Variants in ASB13 observed in about 807,000 individuals in gnomAD.
The protein encoded by ASB13 is ankyrin repeat and SOCS box protein 13.
In ASB13, 33 loss-of-function variants were observed where a neutral mutation model predicts 28.8. That is an observed-to-expected ratio of 1.15 (90% CI 0.87 to 1.53). The LOEUF is 1.53. ASB13 is among the 40% of genes most tolerant of loss of function. The pLI, the probability that ASB13 is intolerant of heterozygous loss-of-function variation, is 0.00. For synonymous variants in ASB13, 182 were observed against 172.9 expected, an observed-to-expected ratio of 1.05 and a Z score of -0.41; for missense variants, 414 against 390.1, an observed-to-expected ratio of 1.06 and a Z score of -0.52.
Position 5,642,051 on chromosome 10 carries a change from G to C in ASB13, c.518-90C>G. 7.7e-7 allele frequency: 1 copy of C among 1,298,426 alleles called. No individual in the cohort carries two copies. The highest frequency in any genetic ancestry group is 1.4e-5 in the South Asian group (1 of 71,158). 80.4% of individuals were successfully genotyped at this position (1,298,426 alleles called of 1,614,324 possible). On this transcript the variant is annotated intron_variant, in intron 4 of 5. Coordinates refer to ENST00000357700, the MANE Select transcript of ASB13 (RefSeq NM_024701.4). The surrounding 1 kb of genome is among the most constrained non-coding windows in gnomAD (Gnocchi z 4.1). Reference sequence around the variant, plus strand: ...GGTCCGTTTCGTCACACAGCACGGTGGCAGAAGCAATCCCCACCCAGAAGA... The same window carrying C: ...GGTCCGTTTCGTCACACAGCACGGTCGCAGAAGCAATCCCCACCCAGAAGA...
rs1835084036 is a variant in ASB13, at chr10:5,656,871, T to C, written c.44-3821A>G. ...CAACAGCCTCTTTTTCCCACTGCCC[T>C]TAACATAATTAAGAACCCGAAACCT... is the stretch of plus-strand genomic sequence containing the variant. On this transcript the variant is annotated intron_variant, in intron 1 of 5. Transcript: ENST00000357700. The surrounding 1 kb of genome is among the most constrained non-coding windows in gnomAD (Gnocchi z 4.3). Among the ~76,000 whole-genome samples, 1 of 152,172 alleles carries C rather than the reference T, an allele frequency of 6.6e-6. No homozygotes were observed. Among genetic ancestry groups the C allele is most frequent in the Non-Finnish European group, 1.5e-5 (1 of 68,028 alleles).
chr10:5,652,089 C>T lies in ASB13; in HGVS notation c.232-726G>A, dbSNP rs1327300103. Among the ~76,000 whole-genome samples, 3 of 145,670 alleles carry T rather than the reference C, an allele frequency of 2.1e-5. No individual in the cohort carries two copies. The highest frequency in any genetic ancestry group is 3.0e-5 in the Non-Finnish European group (2 of 67,284). On this transcript the variant is annotated intron_variant, in intron 2 of 5. Coordinates refer to ENST00000357700, the MANE Select transcript of ASB13 (RefSeq NM_024701.4). This position sits in a 1 kb window ranked among gnomAD's most constrained non-coding sequence, Gnocchi z 5.0. ...AACTCTAACCTCAATGGAAGGAATG[C>T]CTGAGACAGCTTACCACGCCTCCCC...
In ASB13 at chr10:5,641,731, G is replaced by A. The variant is rs1412017864; in HGVS notation, c.709+39C>T. On this transcript the variant is annotated intron_variant, in intron 5 of 5. Transcript: ENST00000357700. The surrounding 1 kb of genome is among the most constrained non-coding windows in gnomAD (Gnocchi z 8.4). ...CGGCACGTCAGGGGTCCAGGCTGAA[G>A]GCTGGAGGGGATGGGGTGCGCTCGG... 6.5e-7 allele frequency: 1 copy of A among 1,534,596 alleles called. No homozygotes were observed. Among genetic ancestry groups the A allele is most frequent in the Non-Finnish European group, 8.8e-7 (1 of 1,134,150 alleles).
chr10:5,660,158 C>T lies in ASB13; in HGVS notation c.43+6351G>A, dbSNP rs551077869. On this transcript the variant is annotated intron_variant, in intron 1 of 5. Transcript: ENST00000357700. This position sits in a 1 kb window ranked among gnomAD's most constrained non-coding sequence, Gnocchi z 6.1. ...GAGCTCATGAATAGCCAAGCAAAAG[C>T]CTTTGCCCTGAAAACTAGAGTTTCA... 1.3e-4 allele frequency among the ~76,000 whole-genome samples: 20 copies of T among 152,328 alleles called. No individual in the cohort carries two copies. Among genetic ancestry groups the T allele is most frequent in the Admixed American group, 1.2e-3 (19 of 15,308 alleles).
At position 5,639,505 on chromosome 10, in the gene ASB13, T is replaced by G. The variant is rs931345933; in HGVS notation, c.*1198A>C. 6.6e-6 allele frequency: 1 copy of G among 152,220 alleles called. No homozygotes were observed. The highest frequency in any genetic ancestry group is 1.5e-5 in the Non-Finnish European group (1 of 68,064). 9.4% of individuals were successfully genotyped at this position (152,220 alleles called of 1,614,324 possible). ...AAAGTCCTCCAGTTTAACTCCCTGTTGTGGGCGGGGTTCTTAAAATTTATG... is the reference window on the plus strand; with the variant it reads ...AAAGTCCTCCAGTTTAACTCCCTGTGGTGGGCGGGGTTCTTAAAATTTATG... On this transcript the variant is annotated 3_prime_UTR_variant, in exon 6 of 6. Transcript: ENST00000357700.
At chr10:5,653,506 C>T (rs1388101713) in intron 1 of ASB13, among the ~76,000 whole-genome samples, 1 of 152,236 alleles carries the variant, frequency 6.6e-6, no homozygotes, top group Non-Finnish European at 1.5e-5. Flanking sequence ...CGCTCAGACC[C>T]CTGCATTTAC....
In ASB13 at chr10:5,652,072, C is replaced by T. The variant is rs1368783460; in HGVS notation, c.232-709G>A. ...CACACACACACACACAAAACTCTAA[C>T]CTCAATGGAAGGAATGCCTGAGACA... On this transcript the variant is annotated intron_variant, in intron 2 of 5. Transcript: ENST00000357700. The surrounding 1 kb of genome is among the most constrained non-coding windows in gnomAD (Gnocchi z 5.0). Among the ~76,000 whole-genome samples the T allele has an allele frequency of 7.6e-6, 1 of 130,950 alleles. No homozygotes were observed. Among genetic ancestry groups the T allele is most frequent in the African/African-American group, 3.1e-5 (1 of 32,470 alleles). The allele number at this position is 130,950 out of a possible 152,430, so 85.9% of individuals were successfully genotyped here.
In ASB13 at chr10:5,641,521, G is replaced by C. The variant is rs1834806911; in HGVS notation, c.709+249C>G. 6.6e-6 allele frequency among the ~76,000 whole-genome samples: 1 copy of C among 152,222 alleles called. No individual in the cohort carries two copies. Among genetic ancestry groups the C allele is most frequent in the African/African-American group, 2.4e-5 (1 of 41,456 alleles). On this transcript the variant is annotated intron_variant, in intron 5 of 5. Coordinates refer to ENST00000357700, the MANE Select transcript of ASB13 (RefSeq NM_024701.4). This position sits in a 1 kb window ranked among gnomAD's most constrained non-coding sequence, Gnocchi z 8.4. ...TCAAATGTCCAGCACAGGAGGCACA[G>C]GTCTGGTGCCCGGGCAGGTGTCGGC...
rs1192509842 is a variant in ASB13, at chr10:5,642,172, T to G, written c.518-211A>C. 6.6e-6 allele frequency among the ~76,000 whole-genome samples: 1 copy of G among 151,936 alleles called. No individual in the cohort carries two copies. The highest frequency in any genetic ancestry group is 2.4e-5 in the African/African-American group (1 of 41,342). On this transcript the variant is annotated intron_variant, in intron 4 of 5. Transcript: ENST00000357700. This position sits in a 1 kb window ranked among gnomAD's most constrained non-coding sequence, Gnocchi z 4.1. ...TGTCCCCACTCATGAGAGATAAAGG[T>G]AGGCAGCAATAATAAAGAAATAACT...
intron 1 of ASB13, among the ~76,000 whole-genome samples, chr10:5,654,905 T>A (rs1167519996): frequency 6.6e-6 from 1 of 152,148 alleles, no homozygotes; most frequent in Non-Finnish European, 1.5e-5. Flanking sequence ...GAAACCAGCC[T>A]GGCCAACATG....
At chr10:5,666,141 G>T (rs1456305459) in intron 1 of ASB13, among the ~76,000 whole-genome samples, 1 of 152,194 alleles carries the variant, frequency 6.6e-6, no homozygotes, top group African/African-American at 2.4e-5. Context: ...CCGAGAGGGA[G>T]CACCGTGGGC....
chr10:5,652,856 C>G lies in ASB13; in HGVS notation c.231+7G>C, dbSNP rs770189232. ...AGTCTGGGGGTCTGCCCTGAAGGGC[C>G]ACTCACCTGGGCCCCAGCCGCCAGC... is the stretch of plus-strand genomic sequence containing the variant. On this transcript the variant is annotated splice_region_variant and intron_variant, in intron 2 of 5. Coordinates refer to ENST00000357700, the MANE Select transcript of ASB13 (RefSeq NM_024701.4). The surrounding 1 kb of genome is among the most constrained non-coding windows in gnomAD (Gnocchi z 5.0). 1.5e-5 allele frequency: 23 copies of G among 1,530,796 alleles called. No homozygotes were observed. In the South Asian group the frequency reaches 2.8e-4, roughly 19 times the overall value. 94.8% of individuals were successfully genotyped at this position (1,530,796 alleles called of 1,614,324 possible). A position where few individuals can be genotyped will look rare whatever the true frequency, so the allele number is the denominator to read the frequency against.
intron 4 of ASB13, among the ~76,000 whole-genome samples, chr10:5,648,630 G>A (rs71215332): frequency 3.7e-5 from 5 of 135,432 alleles, no homozygotes; most frequent in Admixed American, 7.3e-5. Flanking sequence ...AAACAACCAC[G>A]CAGGTAAACA....
chr10:5,662,016 C>T (rs147044353), intron 1 of ASB13, among the ~76,000 whole-genome samples: 182 of 152,200 alleles, frequency 1.2e-3, no homozygotes, highest in Non-Finnish European at 2.1e-3. Context: ...CTGGGGCGGG[C>T]GAGCACACAC....
In ASB13 at chr10:5,651,838, C is replaced by CA. The variant is rs5782846; in HGVS notation, c.232-476dup. ...GCAACATGGCGAAACCCTGTCTCTA[C>CA]AAAAAATACAAAAATTAGCTGGGTT... On this transcript the variant is annotated intron_variant, in intron 2 of 5. Coordinates refer to ENST00000357700, the MANE Select transcript of ASB13 (RefSeq NM_024701.4). The surrounding 1 kb of genome is among the most constrained non-coding windows in gnomAD (Gnocchi z 5.1). Among the ~76,000 whole-genome samples the CA allele has an allele frequency of 0.21, 31,814 of 151,072 alleles. 4,809 individuals carry two copies. The highest frequency in any genetic ancestry group is 0.52 in the East Asian group (2,656 of 5,102).
At position 5,651,616 on chromosome 10, in the gene ASB13, A is replaced by C. The variant is rs1834986595; in HGVS notation, c.232-253T>G. 4.5e-6 allele frequency: 2 copies of C among 440,956 alleles called. No homozygotes were observed. The highest frequency in any genetic ancestry group is 2.7e-5 in the South Asian group (1 of 36,446). The allele number at this position is 440,956 out of a possible 1,614,324, so 27.3% of individuals were successfully genotyped here. On this transcript the variant is annotated intron_variant, in intron 2 of 5. Transcript: ENST00000357700. This position sits in a 1 kb window ranked among gnomAD's most constrained non-coding sequence, Gnocchi z 5.1. ...GGATAAGCTCAGCAGCCCCCTCGCCACCCCCGCCCCAAACACCTAGTAAGC... is the reference window on the plus strand; with the variant it reads ...GGATAAGCTCAGCAGCCCCCTCGCCCCCCCCGCCCCAAACACCTAGTAAGC...
At position 5,649,212 on chromosome 10, in the gene ASB13, G is replaced by T. The variant is rs1364999107; in HGVS notation, c.383-108C>A. ...AGCCTCCATCCTTGGTGCAGGGCAG[G>T]GAAGCCAGGCAGGCCTGCGTCCCAA... On this transcript the variant is annotated intron_variant, in intron 3 of 5. Transcript: ENST00000357700. The surrounding 1 kb of genome is among the most constrained non-coding windows in gnomAD (Gnocchi z 6.4). The T allele has an allele frequency of 1.9e-5, 29 of 1,501,236 alleles. No homozygotes were observed. The highest frequency in any genetic ancestry group is 3.5e-5 in the Admixed American group (2 of 56,840). The allele number at this position is 1,501,236 out of a possible 1,614,324, so 93.0% of individuals were successfully genotyped here.
chr10:5,652,747 T>C lies in ASB13; in HGVS notation c.231+116A>G. The C allele has an allele frequency of 9.3e-7, 1 of 1,072,822 alleles. No individual in the cohort carries two copies. The highest frequency in any genetic ancestry group is 2.8e-5 in the East Asian group (1 of 36,036). The allele number at this position is 1,072,822 out of a possible 1,614,324, so 66.5% of individuals were successfully genotyped here. On this transcript the variant is annotated intron_variant, in intron 2 of 5. Transcript: ENST00000357700. The surrounding 1 kb of genome is among the most constrained non-coding windows in gnomAD (Gnocchi z 5.0). ...AGCCATGGGCTTCCTGGTACCTGTG[T>C]GCAGTGGACACAGTGCAGCCCCCAT... is the stretch of plus-strand genomic sequence containing the variant.
chr10:5,652,186 A>T lies in ASB13; in HGVS notation c.231+677T>A, dbSNP rs1192088426. Among the ~76,000 whole-genome samples the T allele has an allele frequency of 2.6e-5, 4 of 152,158 alleles. No homozygotes were observed. The highest frequency in any genetic ancestry group is 4.4e-5 in the Non-Finnish European group (3 of 68,028). ...CAAATTTTATTTAGCATTTGTCCAA[A>T]TTCAAATTCTATTTGGGTACACACT... On this transcript the variant is annotated intron_variant, in intron 2 of 5. Coordinates refer to ENST00000357700, the MANE Select transcript of ASB13 (RefSeq NM_024701.4). The surrounding 1 kb of genome is among the most constrained non-coding windows in gnomAD (Gnocchi z 5.0).
Sources: gnomAD v4.1 joint callset for allele counts (sites outside exome capture counted in the v4.1 genomes callset) on GRCh38, gnomAD v4.1.1 for gene constraint, Gnocchi (gnomAD v3.1) non-coding constraint, MANE v1.5 for transcripts, NCBI Gene and HGNC (gene_info 2026-07-23, HGNC 2026-07-21) for gene names.